TMEM143: variants seen among roughly 807,000 people sequenced by gnomAD.
The protein encoded by TMEM143 is transmembrane protein 143.
In TMEM143, 45 loss-of-function variants were observed where a neutral mutation model predicts 40.3. The observed-to-expected ratio is 1.12, with a 90% CI of 0.88 to 1.43. TMEM143 has a LOEUF of 1.43. Ranked by LOEUF, TMEM143 falls within the 40% of genes most tolerant of loss-of-function variation. TMEM143 has a pLI of 0.00. For missense variants in TMEM143, 620 were observed against 613.4 expected (o/e 1.01, Z -0.11); for synonymous variants, 299 against 282.7 (o/e 1.06, Z -0.58).
chr19:48,340,121 A>ATT (rs11369636), intron 6 of TMEM143, among the ~76,000 whole-genome samples: 1,916 of 98,474 alleles, frequency 0.019, 42 homozygotes, highest in East Asian at 0.05. Context: ...GTCAACTGGG[A>ATT]TTTTTTTTTT....
At chr19:48,356,596 A>ATTTTTTTTTTTTTT (rs36077135) in intron 3 of TMEM143, among the ~76,000 whole-genome samples, 1 of 135,874 alleles carries the variant, frequency 7.4e-6, no homozygotes, top group Non-Finnish European at 1.6e-5. Flanking sequence ...GGCCCAGGTA[A>ATTTTTTTTTTTTTT]TTTTTTTTTT....
intron 3 of TMEM143, among the ~76,000 whole-genome samples, chr19:48,348,654 C>T (rs1969699163): frequency 6.6e-6 from 1 of 152,194 alleles, no homozygotes; most frequent in Admixed American, 6.5e-5. Context: ...GTGTGAAACT[C>T]CTCATTTACA....
At position 48,358,021 on chromosome 19, in the gene TMEM143, C is replaced by T. The variant is rs143961002; in HGVS notation, c.369+2051G>A. Among the ~76,000 whole-genome samples the T allele has an allele frequency of 7.4e-4, 113 of 152,070 alleles. 1 individual carries two copies. The highest frequency in any genetic ancestry group is 2.6e-3 in the African/African-American group (108 of 41,468). On this transcript the variant is annotated intron_variant, in intron 3 of 7. Coordinates refer to ENST00000293261, the MANE Select transcript of TMEM143 (RefSeq NM_018273.4). ...CACACCAAAATCTCAGAATGCACCA[C>T]TACAGAATTCATCCATGTAACCAAA...
chr19:48,340,060 C>T (rs1471738762), intron 6 of TMEM143, among the ~76,000 whole-genome samples: 1 of 151,576 alleles, frequency 6.6e-6, no homozygotes. Context: ...GGGCCTCACC[C>T]CAAGGCGTGG....
In TMEM143 at chr19:48,333,948, T is replaced by C. The variant is rs1369287578; in HGVS notation, c.1165+60A>G. 2 of 1,446,600 alleles carry C rather than the reference T, an allele frequency of 1.4e-6. No individual in the cohort carries two copies. Among genetic ancestry groups the C allele is most frequent in the East Asian group, 5.0e-5 (2 of 39,640 alleles). The allele number at this position is 1,446,600 out of a possible 1,614,324, so 89.6% of individuals were successfully genotyped here. On this transcript the variant is annotated intron_variant, in intron 7 of 7. Coordinates refer to ENST00000293261, the MANE Select transcript of TMEM143 (RefSeq NM_018273.4). This position sits in a 1 kb window ranked among gnomAD's most constrained non-coding sequence, Gnocchi z 4.1. ...AACTGGGGGTGGGGACGCATCTCGC[T>C]GGGGCGGGGCCTCGCGGGGGTGTGG...
chr19:48,342,979 C>A, intron 5 of TMEM143, 170 bp from the exon 6 acceptor site: 1 of 821,116 alleles, frequency 1.2e-6, no homozygotes, highest in Middle Eastern at 3.7e-4. Context: ...CACAGGGGAT[C>A]GGTTCAATCG....
intron 3 of TMEM143, among the ~76,000 whole-genome samples, chr19:48,355,637 C>T (rs777664820): frequency 9.9e-5 from 15 of 152,132 alleles, no homozygotes; most frequent in East Asian, 1.9e-4. Flanking sequence ...AAGCAAAGTG[C>T]GGAGCTGCAG....
In TMEM143 at chr19:48,343,406, G is replaced by T; in HGVS notation, c.610C>A (p.Leu204Met). The change falls in exon 5 of 8, where the codon CTG becomes ATG. Residue 204 changes from leucine (L) to methionine (M), a missense_variant. Coordinates refer to ENST00000293261, the MANE Select transcript of TMEM143 (RefSeq NM_018273.4). ...GGCATCTGCCCGACTCGCTGGCCCA[G>T]GGCCCAGAAGTGAATGTAGACATAC... ...DQYVYIHFWA[L>M]GQRVGQMPLK... is the part of the protein sequence containing the mutation. The T allele has an allele frequency of 6.3e-7, 1 of 1,594,870 alleles. No individual in the cohort carries two copies. The highest frequency in any genetic ancestry group is 1.3e-5 in the African/African-American group (1 of 74,686).
intron 3 of TMEM143, 58 bp from the exon 4 acceptor site, chr19:48,345,412 G>A: frequency 9.2e-7 from 1 of 1,085,956 alleles, no homozygotes; most frequent in Non-Finnish European, 1.3e-6. Context: ...AGGATTCTAG[G>A]GACATCTAAG....
chr19:48,347,087 C>G (rs275582), intron 3 of TMEM143, among the ~76,000 whole-genome samples: 116,782 of 152,048 alleles, frequency 0.77, 44,913 homozygotes, highest in East Asian at 0.87. Flanking sequence ...CCCTAAAAAA[C>G]TCTTGGAATG....
chr19:48,350,826 G>A (rs1445216940), intron 3 of TMEM143, among the ~76,000 whole-genome samples: 3 of 147,798 alleles, frequency 2.0e-5, no homozygotes, highest in Non-Finnish European at 4.4e-5. Flanking sequence ...GGAGACTGAG[G>A]CAGGAGAATT....
At chr19:48,340,954 C>T (rs1252758624) in intron 6 of TMEM143, among the ~76,000 whole-genome samples, 4 of 152,170 alleles carry the variant, frequency 2.6e-5, no homozygotes, top group African/African-American at 7.2e-5. Flanking sequence ...TACCTGAGCC[C>T]TGGTCCCAAG....
intron 3 of TMEM143, among the ~76,000 whole-genome samples, chr19:48,354,186 T>C (rs1018070317): frequency 3.9e-4 from 59 of 151,634 alleles, no homozygotes; most frequent in African/African-American, 1.4e-3. Flanking sequence ...CTCGAAATCC[T>C]GACCTCATGT....
Position 48,360,087 on chromosome 19 carries a change from G to C in TMEM143, c.354C>G (p.Ile118Met). 6.2e-7 allele frequency: 1 copy of C among 1,614,072 alleles called. No individual in the cohort carries two copies. Among genetic ancestry groups the C allele is most frequent in the Non-Finnish European group, 8.5e-7 (1 of 1,179,986 alleles). The part of the protein sequence containing the change: ...DFCTLFHYHQ[I>M]LARLQALYDP... ...CCGTCCTCACCTGCAGCCGGGCCAG[G>C]ATTTGGTGGTAGTGGAACAGGGTGC... The change falls in exon 3 of 8, where the codon ATC (isoleucine) becomes ATG (methionine). Residue 118 changes from isoleucine to methionine, a missense_variant. Transcript: ENST00000293261.
chr19:48,351,515 G>C (rs940087417), intron 3 of TMEM143, among the ~76,000 whole-genome samples: 21 of 152,022 alleles, frequency 1.4e-4, no homozygotes, highest in South Asian at 2.1e-4. Context: ...CTTAGCCACC[G>C]ACCCACTCAG....
intron 6 of TMEM143, among the ~76,000 whole-genome samples, chr19:48,342,005 A>G (rs1469149243): frequency 6.8e-6 from 1 of 146,560 alleles, no homozygotes; most frequent in Non-Finnish European, 1.5e-5. Flanking sequence ...AACCCCCCTA[A>G]GGGGTGTTGA....
At position 48,333,864 on chromosome 19, in the gene TMEM143, G is replaced by A. The variant is rs1414115430; in HGVS notation, c.1165+144C>T. On this transcript the variant is annotated intron_variant, in intron 7 of 7. Coordinates refer to ENST00000293261, the MANE Select transcript of TMEM143 (RefSeq NM_018273.4). The surrounding 1 kb of genome is among the most constrained non-coding windows in gnomAD (Gnocchi z 4.1). ...GCACCAAGATCGGAGTCTGGATTCGGAGGTCCTGTCTGCTGAGGGCCGGGG... is the reference window on the plus strand; with the variant it reads ...GCACCAAGATCGGAGTCTGGATTCGAAGGTCCTGTCTGCTGAGGGCCGGGG... 3 of 851,322 alleles carry A rather than the reference G, an allele frequency of 3.5e-6. No homozygotes were observed. The highest frequency in any genetic ancestry group is 5.3e-6 in the Non-Finnish European group (3 of 568,234). 52.7% of individuals were successfully genotyped at this position (851,322 alleles called of 1,614,324 possible).
intron 4 of TMEM143, 119 bp downstream of exon 4, chr19:48,345,041 G>T: frequency 9.3e-7 from 1 of 1,076,218 alleles, no homozygotes; most frequent in Non-Finnish European, 1.3e-6. Flanking sequence ...CACCAAGTGC[G>T]CCATATGGGC....
chr19:48,349,013 C>CA (rs925166143), intron 3 of TMEM143, among the ~76,000 whole-genome samples: 34 of 149,518 alleles, frequency 2.3e-4, no homozygotes, highest in African/African-American at 5.4e-4. Context: ...CCATCTCTAC[C>CA]AAAAAAAAAT....
Sources: gnomAD v4.1 joint callset for allele counts (sites outside exome capture counted in the v4.1 genomes callset) on GRCh38, gnomAD v4.1.1 for gene constraint, Gnocchi (gnomAD v3.1) non-coding constraint, MANE v1.5 for transcripts, NCBI Gene and HGNC (gene_info 2026-07-23, HGNC 2026-07-21) for gene names.